The following NKAIN2 variants were observed in gnomAD, a reference collection of about 807,000 sequenced individuals.
The protein encoded by NKAIN2 is sodium/potassium transporting ATPase interacting 2.
A neutral mutation model predicts 32.6 loss-of-function variants in NKAIN2; 14 were observed. The ratio of observed to expected loss-of-function variants is 0.43; its 90% CI spans 0.28 to 0.67. The LOEUF (loss-of-function observed/expected upper bound fraction) is 0.67. NKAIN2 is among the 30% of genes least tolerant of loss of function. The probability of loss-of-function intolerance (pLI) is 0.17; values close to 1 mark genes in which losing one functional copy is unlikely to be tolerated. For synonymous variants in NKAIN2, 80 were observed against 87.2 expected, an observed-to-expected ratio of 0.92 and a Z score of 0.46; for missense variants, 198 against 258.3, an observed-to-expected ratio of 0.77 and a Z score of 1.60.
intron 1 of NKAIN2, among the ~76,000 whole-genome samples, chr6:123,896,193 A>T (rs180937905): frequency 6.6e-6 from 1 of 152,230 alleles, no homozygotes; most frequent in Non-Finnish European, 1.5e-5. Flanking sequence ...GACTTACTGA[A>T]TGCTTGCTGT....
chr6:124,687,315 ATG>A (rs1491457659), intron 4 of NKAIN2, among the ~76,000 whole-genome samples: 22 of 142,852 alleles, frequency 1.5e-4, no homozygotes, highest in African/African-American at 5.5e-4. Context: ...GAGAATATAT[ATG>A]TAATATATAT....
chr6:123,859,784 G>A (rs542397279), intron 1 of NKAIN2, among the ~76,000 whole-genome samples: 6 of 152,244 alleles, frequency 3.9e-5, no homozygotes, highest in Non-Finnish European at 7.3e-5. Context: ...TCCACCTCCC[G>A]GGTTCAAGTG....
intron 3 of NKAIN2, among the ~76,000 whole-genome samples, chr6:124,606,076 G>A (rs1320297412): frequency 6.6e-6 from 1 of 152,020 alleles, no homozygotes; most frequent in Non-Finnish European, 1.5e-5. Flanking sequence ...TGAAGTTGAG[G>A]TTGGTGCCAT....
chr6:124,604,126 C>T (rs991179708), intron 3 of NKAIN2, among the ~76,000 whole-genome samples: 3 of 151,970 alleles, frequency 2.0e-5, no homozygotes. Context: ...GCTCTCATAG[C>T]GGAGGATGAC....
At chr6:124,554,242 A>G (rs1490938309) in intron 3 of NKAIN2, among the ~76,000 whole-genome samples, 1 of 152,198 alleles carries the variant, frequency 6.6e-6, no homozygotes, top group Non-Finnish European at 1.5e-5. Flanking sequence ...TGGCAGACAC[A>G]CTGAGAATCA....
chr6:123,824,077 T>C (rs1343540499), intron 1 of NKAIN2, among the ~76,000 whole-genome samples: 1 of 152,202 alleles, frequency 6.6e-6, no homozygotes, highest in Non-Finnish European at 1.5e-5. Flanking sequence ...AGAATTTATC[T>C]GCATGTAACT....
chr6:124,291,326 G>A (rs550512314), intron 2 of NKAIN2, among the ~76,000 whole-genome samples: 2 of 149,414 alleles, frequency 1.3e-5, no homozygotes, highest in South Asian at 4.2e-4. Context: ...GTGTCTAAAT[G>A]TGAACCTATT....
At chr6:124,745,363 C>A (rs1777401208) in intron 4 of NKAIN2, among the ~76,000 whole-genome samples, 1 of 151,812 alleles carries the variant, frequency 6.6e-6, no homozygotes, top group South Asian at 2.1e-4. Flanking sequence ...TCAGATTTTA[C>A]CGTCTAATAT....
intron 3 of NKAIN2, among the ~76,000 whole-genome samples, chr6:124,373,431 G>A (rs1799855768): frequency 6.6e-6 from 1 of 152,164 alleles, no homozygotes; most frequent in South Asian, 2.1e-4. Flanking sequence ...GTGTTGTCAA[G>A]CAGGGTGTAG....
intron 5 of NKAIN2, among the ~76,000 whole-genome samples, chr6:124,808,320 C>G (rs1422300699): frequency 6.6e-6 from 1 of 151,962 alleles, no homozygotes; most frequent in African/African-American, 2.4e-5. Flanking sequence ...GGATGCAAGG[C>G]TGGTTCAATA....
intron 2 of NKAIN2, among the ~76,000 whole-genome samples, chr6:124,336,575 A>G (rs969798968): frequency 1.3e-5 from 2 of 152,064 alleles, no homozygotes; most frequent in African/African-American, 4.8e-5. Flanking sequence ...CAGACTTTAT[A>G]TATGAGAAAT....
chr6:124,489,539 A>G (rs1201489204), intron 3 of NKAIN2, among the ~76,000 whole-genome samples: 2 of 151,862 alleles, frequency 1.3e-5, no homozygotes, highest in South Asian at 2.1e-4. Flanking sequence ...AATGTGCTCA[A>G]AACACTTATA....
intron 1 of NKAIN2, among the ~76,000 whole-genome samples, chr6:123,976,285 ATATATATGTTTC>A (rs1778577522): frequency 9.0e-6 from 1 of 111,566 alleles, no homozygotes; most frequent in East Asian, 2.6e-4. Context: ...ATATGTTTCC[ATATATATGTTTC>A]CATATATATG....
intron 4 of NKAIN2, among the ~76,000 whole-genome samples, chr6:124,761,340 A>G (rs1307683064): frequency 2.0e-5 from 3 of 152,048 alleles, no homozygotes; most frequent in Non-Finnish European, 4.4e-5. Flanking sequence ...GACCTTGATA[A>G]CCCCATTTAT....
chr6:124,782,637 T>C (rs1363551717), intron 4 of NKAIN2, among the ~76,000 whole-genome samples: 1 of 152,126 alleles, frequency 6.6e-6, no homozygotes, highest in Non-Finnish European at 1.5e-5. Flanking sequence ...TACAAATGCC[T>C]TACCTTTTGT....
intron 1 of NKAIN2, among the ~76,000 whole-genome samples, chr6:124,005,380 A>G (rs761918466): frequency 4.6e-5 from 7 of 152,136 alleles, no homozygotes; most frequent in Non-Finnish European, 8.8e-5. Context: ...TATACCCCAA[A>G]CATACTACTG....
At chr6:124,152,245 G>A (rs765045680) in intron 1 of NKAIN2, among the ~76,000 whole-genome samples, 6 of 151,806 alleles carry the variant, frequency 4.0e-5, no homozygotes, top group South Asian at 2.1e-4. Flanking sequence ...CACATTTGTC[G>A]TAATCACAGT....
intron 4 of NKAIN2, among the ~76,000 whole-genome samples, chr6:124,711,406 CAG>C (rs1775449682): frequency 7.2e-6 from 1 of 138,770 alleles, no homozygotes; most frequent in Non-Finnish European, 1.5e-5. Flanking sequence ...TAATATCCTG[CAG>C]AGTGTTTTCT....
At chr6:124,029,014 A>G (rs1333350344) in intron 1 of NKAIN2, among the ~76,000 whole-genome samples, 2 of 150,438 alleles carry the variant, frequency 1.3e-5, no homozygotes, top group Non-Finnish European at 3.0e-5. Context: ...TTTCTCTGAG[A>G]TTGCTTTTAG....
Sources: gnomAD v4.1 joint callset for allele counts (sites outside exome capture counted in the v4.1 genomes callset) on GRCh38, gnomAD v4.1.1 for gene constraint, MANE v1.5 for transcripts, NCBI Gene and HGNC (gene_info 2026-07-23, HGNC 2026-07-21) for gene names.